CTNNA2: variants seen among roughly 807,000 people sequenced by gnomAD.
The protein encoded by CTNNA2 is catenin alpha 2, also known as catenin alpha-2.
CTNNA2 carries 42 observed loss-of-function variants against 101.0 expected under a neutral mutation model. The ratio of observed to expected loss-of-function variants is 0.42; its 90% CI spans 0.32 to 0.54. The LOEUF is 0.54. Among genes scored for constraint, CTNNA2 ranks in the 20% least tolerant of loss-of-function variants. The pLI, the probability that CTNNA2 is intolerant of heterozygous loss-of-function variation, is 0.14. For missense variants in CTNNA2, 871 were observed against 1,223.1 expected, an observed-to-expected ratio of 0.71 and a Z score of 4.29; for synonymous variants, 450 against 456.4, an observed-to-expected ratio of 0.99 and a Z score of 0.18.
chr2:79,244,638 G>T (rs946653706), intron 2 of CTNNA2, among the ~76,000 whole-genome samples: 2 of 152,136 alleles, frequency 1.3e-5, no homozygotes, highest in Admixed American at 1.3e-4. Context: ...TGATAGACTG[G>T]AGACACAACA....
chr2:80,589,113 G>C (rs550999017), intron 14 of CTNNA2, among the ~76,000 whole-genome samples, 191 bp from the exon 15 acceptor site: 14 of 152,248 alleles, frequency 9.2e-5, no homozygotes, highest in African/African-American at 2.9e-4. Flanking sequence ...GAGTGGGACG[G>C]GGACTTTGGG....
chr2:80,590,361 T>C (rs1374300391), intron 15 of CTNNA2, among the ~76,000 whole-genome samples: 2 of 152,194 alleles, frequency 1.3e-5, no homozygotes, highest in African/African-American at 4.8e-5. Flanking sequence ...AGAAGAGAGT[T>C]TTAAAATCCA....
intron 3 of CTNNA2, among the ~76,000 whole-genome samples, chr2:79,816,556 A>G (rs991125390): frequency 1.3e-5 from 2 of 152,172 alleles, no homozygotes; most frequent in African/African-American, 2.4e-5. Context: ...AGGAGCATAT[A>G]TCTCCTTACT....
chr2:80,148,519 A>G (rs997035539), intron 7 of CTNNA2, among the ~76,000 whole-genome samples: 16 of 152,240 alleles, frequency 1.1e-4, no homozygotes, highest in African/African-American at 3.9e-4. Context: ...GGGGCAATGC[A>G]CCCGAGAGAG....
chr2:80,031,708 C>T (rs182380959), intron 7 of CTNNA2, among the ~76,000 whole-genome samples: 4 of 152,268 alleles, frequency 2.6e-5, no homozygotes, highest in African/African-American at 9.6e-5. Context: ...TGTTGTTTAA[C>T]TATTTTACAG....
intron 2 of CTNNA2, among the ~76,000 whole-genome samples, chr2:79,209,263 A>T (rs929039584): frequency 6.6e-6 from 1 of 152,224 alleles, no homozygotes; most frequent in Non-Finnish European, 1.5e-5. Flanking sequence ...TATTTGGCCC[A>T]TCCTTCTTGG....
At chr2:80,577,212 TC>T in intron 13 of CTNNA2, among the ~76,000 whole-genome samples, 1 of 152,120 alleles carries the variant, frequency 6.6e-6, no homozygotes, top group East Asian at 1.9e-4. Flanking sequence ...GGATTTCTAT[TC>T]CTCTGGTAGG....
chr2:80,604,822 C>T (rs1429509830), intron 16 of CTNNA2, among the ~76,000 whole-genome samples: 1 of 151,712 alleles, frequency 6.6e-6, no homozygotes, highest in Non-Finnish European at 1.5e-5. Context: ...GCGGACTCTA[C>T]CAGGAGTAGA....
intron 7 of CTNNA2, among the ~76,000 whole-genome samples, chr2:80,362,530 G>A (rs1446965556): frequency 6.6e-6 from 1 of 152,084 alleles, no homozygotes; most frequent in Non-Finnish European, 1.5e-5. Flanking sequence ...CCTAAGAAAA[G>A]TAACTGTGCA....
intron 1 of CTNNA2, among the ~76,000 whole-genome samples, chr2:79,612,736 C>T (rs1268434415): frequency 1.3e-5 from 2 of 151,836 alleles, no homozygotes; most frequent in Non-Finnish European, 2.9e-5. Context: ...TCCCTAATAA[C>T]AATAGAAAAA....
At chr2:79,887,205 C>T (rs1683950591) in intron 6 of CTNNA2, among the ~76,000 whole-genome samples, 1 of 152,072 alleles carries the variant, frequency 6.6e-6, no homozygotes, top group African/African-American at 2.4e-5. Context: ...AGTAGGGAGA[C>T]AGATAAGCGT....
At chr2:80,265,391 G>A (rs1017286954) in intron 7 of CTNNA2, among the ~76,000 whole-genome samples, 1 of 152,144 alleles carries the variant, frequency 6.6e-6, no homozygotes, top group Non-Finnish European at 1.5e-5. Context: ...CATGAGTTGG[G>A]AGGCTGTTGG....
rs111602717 is a variant in CTNNA2 at position 80,532,929 on chromosome 2, G to T, written c.1291-12053G>T. 1.2e-4 allele frequency among the ~76,000 whole-genome samples: 18 copies of T among 152,250 alleles called. 2 individuals carry two copies. The highest frequency in any genetic ancestry group is 4.3e-4 in the African/African-American group (18 of 41,548). On this transcript the variant is annotated intron_variant, in intron 9 of 18. Coordinates refer to ENST00000402739, the MANE Select transcript of CTNNA2 (RefSeq NM_001282597.3). ...AGGTAAGGGCAGATGGGAGCAGGAG[G>T]TAAGAAAGCACCCATGACAGGGAGG...
At chr2:80,365,097 T>A (rs1674796726) in intron 7 of CTNNA2, among the ~76,000 whole-genome samples, 1 of 152,138 alleles carries the variant, frequency 6.6e-6, no homozygotes, top group African/African-American at 2.4e-5. Flanking sequence ...CCTCTTCCCA[T>A]TCCCCTGTAA....
chr2:80,605,038 A>G (rs1573432495), intron 16 of CTNNA2: 1 of 152,076 alleles, frequency 6.6e-6, no homozygotes, highest in Non-Finnish European at 1.5e-5. Context: ...CACATGATCA[A>G]GAACCTTCAG....
intron 18 of CTNNA2, among the ~76,000 whole-genome samples, chr2:80,622,392 T>G (rs1031976755): frequency 4.0e-5 from 6 of 151,876 alleles, no homozygotes; most frequent in Non-Finnish European, 8.8e-5. Context: ...GGGGGTATCA[T>G]TAACAGATTT....
intron 7 of CTNNA2, among the ~76,000 whole-genome samples, chr2:80,297,801 C>G (rs779865156): frequency 6.6e-6 from 1 of 152,156 alleles, no homozygotes. Context: ...CGTCTACCTA[C>G]TCATTAACTA....
At chr2:79,369,748 T>C (rs1228081671) in intron 3 of CTNNA2, among the ~76,000 whole-genome samples, 2 of 152,146 alleles carry the variant, frequency 1.3e-5, no homozygotes, top group African/African-American at 4.8e-5. Flanking sequence ...ATTGCTCCCA[T>C]TTACCTCCAC....
chr2:80,442,534 G>A (rs1009356060), intron 9 of CTNNA2, among the ~76,000 whole-genome samples: 12 of 152,182 alleles, frequency 7.9e-5, no homozygotes, highest in Middle Eastern at 3.4e-3. Flanking sequence ...CTTAATACAC[G>A]CACCACTTCT....
Sources: gnomAD v4.1 joint callset for allele counts (sites outside exome capture counted in the v4.1 genomes callset) on GRCh38, gnomAD v4.1.1 for gene constraint, MANE v1.5 for transcripts, NCBI Gene and HGNC (gene_info 2026-07-23, HGNC 2026-07-21) for gene names.